ABHD17C: variants seen among roughly 807,000 people sequenced by gnomAD.
The protein encoded by ABHD17C is alpha/beta hydrolase domain-containing protein 17C.
Under a neutral mutation model 27.9 loss-of-function variants are expected in ABHD17C, and 11 were observed. The observed-to-expected ratio is 0.39, with a 90% CI of 0.25 to 0.65. The LOEUF is 0.65. Among genes scored for constraint, ABHD17C ranks in the 30% least tolerant of loss-of-function variants. The pLI is 0.45. For missense variants in ABHD17C, 280 were observed against 470.2 expected (o/e 0.60, Z 3.74); for synonymous variants, 233 against 209.1 (o/e 1.11, Z -0.98).
intron 1 of ABHD17C, among the ~76,000 whole-genome samples, chr15:80,736,138 G>A (rs983344284): frequency 1.1e-4 from 17 of 152,180 alleles, no homozygotes; most frequent in African/African-American, 2.9e-4. Flanking sequence ...TATCCACATA[G>A]CACCAAAACA....
At chr15:80,705,594 C>T (rs1894637121) in intron 1 of ABHD17C, among the ~76,000 whole-genome samples, 1 of 152,068 alleles carries the variant, frequency 6.6e-6, no homozygotes, top group Admixed American at 6.5e-5. Context: ...GCTATAATAA[C>T]CAAATGCTCA....
At chr15:80,704,148 T>TA (rs1203968993) in intron 1 of ABHD17C, among the ~76,000 whole-genome samples, 1 of 152,184 alleles carries the variant, frequency 6.6e-6, no homozygotes, top group African/African-American at 2.4e-5. Context: ...AGGAACCCAC[T>TA]AGAGTAAACC....
rs77362288 is a variant in ABHD17C, at chr15:80,733,442, G to A, written c.591-16071G>A. ...GAGGACTGGGATTGACCAGGCTTGG[G>A]TCCTAGGCTTATCCCCTAAGAAGTC... On this transcript the variant is annotated intron_variant, in intron 1 of 2. Transcript: ENST00000258884. 7.4e-4 allele frequency among the ~76,000 whole-genome samples: 113 copies of A among 152,244 alleles called. 1 individual carries two copies. Among genetic ancestry groups the A allele is most frequent in the African/African-American group, 2.7e-3 (111 of 41,540 alleles).
Position 80,695,714 on chromosome 15 carries a change from C to T in ABHD17C, c.285C>T (p.Ala95=). ...GCAGCCTGCACCTCAGCGAGCGCGC[C>T]GACTGGCAGTACTCGCAGCGCGAGC... The part of the protein sequence containing the change: ...GACSLHLSER[A]DWQYSQRELD... The change falls in exon 1 of 3, where the codon GCC becomes GCT. Residue 95 remains alanine, a synonymous_variant. Transcript: ENST00000258884. This position sits in a 1 kb window ranked among gnomAD's most constrained non-coding sequence, Gnocchi z 4.3. 6.5e-7 allele frequency: 1 copy of T among 1,532,456 alleles called. No homozygotes were observed. Among genetic ancestry groups the T allele is most frequent in the Non-Finnish European group, 8.7e-7 (1 of 1,145,766 alleles). The allele number at this position is 1,532,456 out of a possible 1,614,324, so 94.9% of individuals were successfully genotyped here.
chr15:80,735,058 A>G (rs1433364687), intron 1 of ABHD17C, among the ~76,000 whole-genome samples: 3 of 152,130 alleles, frequency 2.0e-5, no homozygotes, highest in Admixed American at 6.5e-5. Flanking sequence ...GCTTGAACAG[A>G]TATCCCCCAG....
chr15:80,736,320 T>C lies in ABHD17C; in HGVS notation c.591-13193T>C, dbSNP rs558152110. On this transcript the variant is annotated intron_variant, in intron 1 of 2. Transcript: ENST00000258884. The stretch of plus-strand genomic sequence containing the variant: ...AACAAAGTTGTATTTTAAGGAACAA[T>C]AAGTACATTTTAGGTGATTGATGCT... Among the ~76,000 whole-genome samples, 5 of 152,310 alleles carry C rather than the reference T, an allele frequency of 3.3e-5. No homozygotes were observed. The East Asian group carries it at 9.6e-4, about 29-fold the overall frequency.
intron 1 of ABHD17C, among the ~76,000 whole-genome samples, chr15:80,728,303 C>T (rs948638089): frequency 1.3e-5 from 2 of 152,220 alleles, no homozygotes; most frequent in African/African-American, 4.8e-5. Flanking sequence ...CCAGAATGGT[C>T]TCTGGCGTCT....
intron 2 of ABHD17C, among the ~76,000 whole-genome samples, chr15:80,753,784 A>G (rs11633987): frequency 0.62 from 94,758 of 152,016 alleles, 30,032 homozygotes; most frequent in Middle Eastern, 0.76. Context: ...TTGATTTAAG[A>G]AAAAAAACTA....
At chr15:80,735,506 T>C (rs1427989158) in intron 1 of ABHD17C, among the ~76,000 whole-genome samples, 1 of 152,150 alleles carries the variant, frequency 6.6e-6, no homozygotes, top group East Asian at 1.9e-4. Flanking sequence ...CTCCACCTTG[T>C]CGGATCTTGT....
intron 1 of ABHD17C, among the ~76,000 whole-genome samples, chr15:80,699,648 C>A (rs745449954): frequency 6.6e-6 from 1 of 152,188 alleles, no homozygotes; most frequent in Non-Finnish European, 1.5e-5. Flanking sequence ...AGTGTGCAGA[C>A]CCCTCATGCA....
intron 1 of ABHD17C, among the ~76,000 whole-genome samples, chr15:80,708,951 A>G (rs531373082): frequency 1.8e-4 from 27 of 152,162 alleles, no homozygotes; most frequent in African/African-American, 6.5e-4. Context: ...GAACCTGGGG[A>G]CATGAAGTTC....
At chr15:80,716,722 C>T (rs777393160) in intron 1 of ABHD17C, among the ~76,000 whole-genome samples, 2 of 152,180 alleles carry the variant, frequency 1.3e-5, no homozygotes, top group African/African-American at 4.8e-5. Context: ...CAGAACCTAA[C>T]GTGAAGTGGA....
At chr15:80,742,185 G>T (rs1895220323) in intron 1 of ABHD17C, among the ~76,000 whole-genome samples, 1 of 152,164 alleles carries the variant, frequency 6.6e-6, no homozygotes, top group African/African-American at 2.4e-5. Context: ...TGCCTCACGT[G>T]ATTATGGAGG....
chr15:80,713,584 T>C (rs552915465), intron 1 of ABHD17C, among the ~76,000 whole-genome samples: 39 of 151,552 alleles, frequency 2.6e-4, no homozygotes, highest in Middle Eastern at 3.4e-3. Flanking sequence ...CCAAGGTGGG[T>C]GGATCACAAG....
intron 1 of ABHD17C, among the ~76,000 whole-genome samples, chr15:80,749,250 T>G (rs1895333195): frequency 6.6e-6 from 1 of 152,218 alleles, no homozygotes; most frequent in Non-Finnish European, 1.5e-5. Flanking sequence ...ATATATTTAA[T>G]TAGCCAGAAA....
chr15:80,735,606 C>T (rs1279685432), intron 1 of ABHD17C, among the ~76,000 whole-genome samples: 1 of 152,134 alleles, frequency 6.6e-6, no homozygotes, highest in Non-Finnish European at 1.5e-5. Flanking sequence ...CCAGCCAGGG[C>T]GGGCTCCAGT....
In ABHD17C at chr15:80,713,900, C is replaced by CCACACACACACA. The variant is rs58311304; in HGVS notation, c.590+17910_590+17921dup. 2.9e-3 allele frequency among the ~76,000 whole-genome samples: 408 copies of CCACACACACACA among 141,132 alleles called. 2 individuals are homozygous for CCACACACACACA. Among genetic ancestry groups the CCACACACACACA allele is most frequent in the Admixed American group, 7.7e-3 (109 of 14,196 alleles). The allele number at this position is 141,132 out of a possible 152,430, so 92.6% of individuals were successfully genotyped here. On this transcript the variant is annotated intron_variant, in intron 1 of 2. Transcript: ENST00000258884. Reference sequence around the variant, plus strand: ...GGGTCTCATTGTCTCCATATACAGACCACACACACACACACACACACACAC... The same window carrying CCACACACACACA: ...GGGTCTCATTGTCTCCATATACAGACCACACACACACACACACACACACACACACACACACAC...
chr15:80,700,193 T>G (rs1230669879), intron 1 of ABHD17C, among the ~76,000 whole-genome samples: 2 of 152,214 alleles, frequency 1.3e-5, no homozygotes, highest in African/African-American at 4.8e-5. Flanking sequence ...TTAGACTGTG[T>G]GTGCACAAGT....
chr15:80,713,901 C>CACAT (rs1491580671), intron 1 of ABHD17C, among the ~76,000 whole-genome samples: 4 of 6,728 alleles, frequency 5.9e-4, no homozygotes, highest in Non-Finnish European at 1.2e-3. Context: ...ATATACAGAC[C>CACAT]ACACACACAC....
Sources: allele counts gnomAD v4.1 joint callset (sites outside exome capture counted in the v4.1 genomes callset), GRCh38; gene constraint gnomAD v4.1.1; non-coding constraint Gnocchi (gnomAD v3.1); transcripts MANE v1.5; gene names NCBI Gene and HGNC (gene_info 2026-07-23, HGNC 2026-07-21).